CFAP97: variants seen among roughly 807,000 people sequenced by gnomAD.
CFAP97 encodes cilia and flagella associated protein 97.
CFAP97 carries 36 observed loss-of-function variants against 43.1 expected under a neutral mutation model. That is an observed-to-expected ratio of 0.84 (90% CI 0.64 to 1.10). CFAP97 has a LOEUF of 1.10. Among genes scored for constraint, CFAP97 ranks in the 50% least tolerant of loss-of-function variants. The pLI is 0.00. For missense variants in CFAP97, 657 were observed against 620.3 expected (o/e 1.06, Z -0.63); for synonymous variants, 228 against 225.7 (o/e 1.01, Z -0.09).
At chr4:185,208,725 AAAAAAAAG>A (rs1560884711), upstream of CFAP97, among the ~76,000 whole-genome samples, 1 of 149,836 alleles carries the variant, frequency 6.7e-6, no homozygotes, top group East Asian at 1.9e-4. Context: ...CTCCGTCTCA[AAAAAAAAG>A]AAAAAAAGAA....
rs1002104280 is a variant in CFAP97 at position 185,161,946 on chromosome 4, C to T, written c.*852G>A. The T allele has an allele frequency of 6.6e-6, 1 of 152,204 alleles. No homozygotes were observed. Among genetic ancestry groups the T allele is most frequent in the African/African-American group, 2.4e-5 (1 of 41,456 alleles). The allele number at this position is 152,204 out of a possible 1,614,324, so 9.4% of individuals were successfully genotyped here. On this transcript the variant is annotated 3_prime_UTR_variant, in exon 5 of 5. Transcript: ENST00000458385. ...ACTGTCCGACACACCTCAGGATCTG[C>T]TTCTCGGCTCTTCATGCTGATAGTG...
intron 1 of CFAP97, among the ~76,000 whole-genome samples, chr4:185,201,502 C>T (rs1318056014): frequency 2.0e-5 from 3 of 152,030 alleles, no homozygotes; most frequent in African/African-American, 4.8e-5. Context: ...ATCAGTCAGC[C>T]GCCATCAACA....
At chr4:185,192,733 CTT>C (rs760026667) in intron 1 of CFAP97, among the ~76,000 whole-genome samples, 14 of 81,418 alleles carry the variant, frequency 1.7e-4, no homozygotes, top group African/African-American at 6.0e-4. Context: ...AATTGACCTT[CTT>C]TTTTTTTTTT....
chr4:185,181,417 C>A (rs1735783323), intron 2 of CFAP97, among the ~76,000 whole-genome samples: 1 of 149,894 alleles, frequency 6.7e-6, no homozygotes, highest in Non-Finnish European at 1.5e-5. Flanking sequence ...TCTCCGCTTC[C>A]CAGGTTCAAG....
At chr4:185,178,685 A>G (rs556485090) in intron 2 of CFAP97, among the ~76,000 whole-genome samples, 34 of 152,236 alleles carry the variant, frequency 2.2e-4, no homozygotes, top group Admixed American at 7.8e-4. Context: ...ACCTGCAAAG[A>G]CTCAAAGAGC....
intron 1 of CFAP97, among the ~76,000 whole-genome samples, chr4:185,193,145 GC>G (rs1035061397): frequency 3.3e-5 from 5 of 152,140 alleles, no homozygotes; most frequent in Non-Finnish European, 7.3e-5. Context: ...GCTTATTGTT[GC>G]CAGAAAGCAC....
chr4:185,185,379 G>T (rs1420383154), intron 2 of CFAP97, among the ~76,000 whole-genome samples: 1 of 152,104 alleles, frequency 6.6e-6, no homozygotes, highest in African/African-American at 2.4e-5. Context: ...GATATTTTAT[G>T]ATTTAATTTC....
At chr4:185,194,943 G>A (rs948846982) in intron 1 of CFAP97, among the ~76,000 whole-genome samples, 4 of 152,072 alleles carry the variant, frequency 2.6e-5, no homozygotes, top group Admixed American at 2.6e-4. Context: ...TGGTTGAAAC[G>A]AATCAATGGA....
intron 3 of CFAP97, among the ~76,000 whole-genome samples, chr4:185,166,816 G>A (rs1206478972): frequency 6.6e-6 from 1 of 152,162 alleles, no homozygotes; most frequent in East Asian, 1.9e-4. Flanking sequence ...AATAACTCTT[G>A]CCTATAGAAA....
chr4:185,210,024 C>G, upstream of CFAP97: 1 of 983,948 alleles, frequency 1.0e-6, no homozygotes, highest in Non-Finnish European at 1.2e-6. This position sits in a 1 kb window ranked among gnomAD's most constrained non-coding sequence, Gnocchi z 4.4. Flanking sequence ...TGGCCGCACT[C>G]GCCGCCGTGG....
chr4:185,179,629 G>T (rs1367912082), intron 2 of CFAP97, among the ~76,000 whole-genome samples: 1 of 152,178 alleles, frequency 6.6e-6, no homozygotes, highest in Non-Finnish European at 1.5e-5. Context: ...CCTTCAGGCT[G>T]TACCAAGCCC....
intron 2 of CFAP97, among the ~76,000 whole-genome samples, chr4:185,184,381 G>A (rs1379409385): frequency 2.0e-5 from 3 of 152,160 alleles, no homozygotes; most frequent in African/African-American, 4.8e-5. Flanking sequence ...CCCTACCAAC[G>A]ACTGGTTCGG....
upstream of CFAP97, among the ~76,000 whole-genome samples, chr4:185,208,952 T>A (rs576814422): frequency 5.3e-5 from 8 of 152,320 alleles, no homozygotes; most frequent in Non-Finnish European, 1.0e-4. Context: ...CCACGTTCCT[T>A]TGCGTGGCTG....
intron 2 of CFAP97, among the ~76,000 whole-genome samples, chr4:185,189,240 A>G (rs2111383972): frequency 6.6e-6 from 1 of 152,266 alleles, no homozygotes; most frequent in East Asian, 1.9e-4. Flanking sequence ...TTATCTCAAA[A>G]ACAAAAAACA....
intron 3 of CFAP97, among the ~76,000 whole-genome samples, chr4:185,173,642 GA>G (rs1338589808): frequency 6.6e-6 from 1 of 151,994 alleles, no homozygotes; most frequent in Non-Finnish European, 1.5e-5. Context: ...GATACAAAAG[GA>G]CAAATATTGT....
chr4:185,179,330 T>G (rs1185568792), intron 2 of CFAP97, among the ~76,000 whole-genome samples: 1 of 152,068 alleles, frequency 6.6e-6, no homozygotes, highest in Non-Finnish European at 1.5e-5. Flanking sequence ...TTAAAGATTA[T>G]TATAATTTAC....
At chr4:185,167,889 C>T (rs1735130368) in intron 3 of CFAP97, among the ~76,000 whole-genome samples, 1 of 151,304 alleles carries the variant, frequency 6.6e-6, no homozygotes, top group African/African-American at 2.4e-5. Context: ...GTTCCAGCTA[C>T]TCCGGAGGCT....
chr4:185,186,392 C>T (rs984246826), intron 2 of CFAP97, among the ~76,000 whole-genome samples: 1 of 152,072 alleles, frequency 6.6e-6, no homozygotes, highest in Non-Finnish European at 1.5e-5. Context: ...AAGCTCGCGC[C>T]ACTGCACTGC....
Position 185,164,089 on chromosome 4 carries a change from G to A in CFAP97, c.1411C>T (p.Leu471Phe), listed in dbSNP as rs540219578. Reference sequence around the variant, plus strand: ...CGTCTTGACAATGGTGATGAGTTGAGATAGCCCATATTGCGATGATAGTCC... The same window carrying A: ...CGTCTTGACAATGGTGATGAGTTGAAATAGCCCATATTGCGATGATAGTCC... ...LMDYHRNMGY[L>F]NSSPLSRRAR... is the part of the protein sequence containing the mutation. Residue 471 changes from leucine to phenylalanine, a missense_variant, in exon 4 of 5, where the codon CTC (leucine) becomes TTC (phenylalanine). Physicochemically the swap from Leu to Phe is conservative, Grantham distance 22. Coordinates refer to ENST00000458385, the MANE Select transcript of CFAP97 (RefSeq NM_020827.3). 2 of 1,613,954 alleles carry A rather than the reference G, an allele frequency of 1.2e-6. No homozygotes were observed. The highest frequency in any genetic ancestry group is 1.7e-6 in the Non-Finnish European group (2 of 1,179,848).
Sources: gnomAD v4.1 joint callset for allele counts (sites outside exome capture counted in the v4.1 genomes callset) on GRCh38, gnomAD v4.1.1 for gene constraint, Gnocchi (gnomAD v3.1) non-coding constraint, MANE v1.5 for transcripts, NCBI Gene and HGNC (gene_info 2026-07-23, HGNC 2026-07-21) for gene names.